The following SUPT3H variants were observed in gnomAD, a reference collection of about 807,000 sequenced individuals.
SUPT3H encodes transcription initiation protein SPT3 homolog.
In SUPT3H, 44 loss-of-function variants were observed where a neutral mutation model predicts 44.3. That is an observed-to-expected ratio of 0.99 (90% confidence interval 0.78 to 1.28). The LOEUF (loss-of-function observed/expected upper bound fraction) is 1.28. Ranked by LOEUF, SUPT3H falls within the 50% of genes most tolerant of loss-of-function variation. The pLI is 0.00. For missense variants in SUPT3H, 380 were observed against 387.1 expected (o/e 0.98, Z 0.15); for synonymous variants, 124 against 125.6 (o/e 0.99, Z 0.09).
chr6:45,064,467 T>C (rs1792855653), intron 3 of SUPT3H, among the ~76,000 whole-genome samples: 1 of 132,118 alleles, frequency 7.6e-6, no homozygotes, highest in Non-Finnish European at 1.6e-5. Context: ...CAATATTAAC[T>C]TTAAATGTAA....
intron 2 of SUPT3H, among the ~76,000 whole-genome samples, chr6:45,254,074 C>CT (rs1772916483): frequency 6.6e-6 from 1 of 151,764 alleles, no homozygotes. Flanking sequence ...TATTTTATAT[C>CT]TTTAAATGAG....
At chr6:44,988,519 T>TAAAAAAAA (rs66489332) in intron 6 of SUPT3H, among the ~76,000 whole-genome samples, 1 of 100,204 alleles carries the variant, frequency 1.0e-5, no homozygotes, top group Non-Finnish European at 2.0e-5. Flanking sequence ...AAGGCTTAAA[T>TAAAAAAAA]AAAAAAAAAA....
chr6:45,303,967 ACT>A (rs1782585501), intron 2 of SUPT3H, among the ~76,000 whole-genome samples: 1 of 150,204 alleles, frequency 6.7e-6, no homozygotes, highest in Non-Finnish European at 1.5e-5. Flanking sequence ...ACAGAGCAAG[ACT>A]CTGTCTCAAA....
intron 2 of SUPT3H, among the ~76,000 whole-genome samples, chr6:45,277,618 C>T (rs1207572536): frequency 2.0e-5 from 3 of 152,218 alleles, no homozygotes; most frequent in Middle Eastern, 3.4e-3. Flanking sequence ...TAAAGCATTA[C>T]CCTATAGGGA....
rs534273431 is a variant in SUPT3H, at chr6:45,105,913, T to G, written c.186+9A>C. 1 of 1,605,968 alleles carries G rather than the reference T, an allele frequency of 6.2e-7. No homozygotes were observed. Among genetic ancestry groups the G allele is most frequent in the Non-Finnish European group, 8.5e-7 (1 of 1,174,076 alleles). On this transcript the variant is annotated intron_variant, in intron 3 of 10. Coordinates refer to ENST00000371459, the MANE Select transcript of SUPT3H (RefSeq NM_003599.4). The stretch of plus-strand genomic sequence containing the variant: ...AAGAGAAACCAAATCAAATTATATA[T>G]GCTCTTACCAGATTAATTAACTGAG...
At chr6:45,354,985 T>A (rs933220795) in intron 2 of SUPT3H, among the ~76,000 whole-genome samples, 1 of 152,092 alleles carries the variant, frequency 6.6e-6, no homozygotes, top group Non-Finnish European at 1.5e-5. Context: ...ACTTTGAGGT[T>A]TTTTTTGGAG....
intron 2 of SUPT3H, among the ~76,000 whole-genome samples, chr6:45,298,212 G>C (rs985462518): frequency 6.6e-6 from 1 of 152,166 alleles, no homozygotes; most frequent in South Asian, 2.1e-4. Flanking sequence ...ACCAAAGAAC[G>C]AATAGGAACA....
chr6:45,184,082 C>T (rs1258777147), intron 2 of SUPT3H, among the ~76,000 whole-genome samples: 1 of 152,062 alleles, frequency 6.6e-6, no homozygotes, highest in Non-Finnish European at 1.5e-5. Context: ...ACACATCACA[C>T]TAATGCAAGA....
chr6:45,059,727 A>C (rs1445150453), intron 3 of SUPT3H, among the ~76,000 whole-genome samples: 1 of 152,158 alleles, frequency 6.6e-6, no homozygotes, highest in East Asian at 1.9e-4. Flanking sequence ...CTGATAAGCA[A>C]CTTCAGCAAA....
chr6:45,229,471 A>G (rs1274335183), intron 2 of SUPT3H, among the ~76,000 whole-genome samples: 3 of 152,172 alleles, frequency 2.0e-5, no homozygotes, highest in East Asian at 1.9e-4. Context: ...AAAAATAACA[A>G]TATCTGGCAT....
intron 2 of SUPT3H, among the ~76,000 whole-genome samples, chr6:45,280,894 T>C (rs1292582052): frequency 6.6e-6 from 1 of 152,174 alleles, no homozygotes; most frequent in East Asian, 1.9e-4. Flanking sequence ...CTTCCTAAAA[T>C]GGTTGAGTAA....
intron 10 of SUPT3H, among the ~76,000 whole-genome samples, chr6:44,916,696 C>T (rs1195400120): frequency 1.3e-5 from 2 of 152,088 alleles, no homozygotes; most frequent in African/African-American, 4.8e-5. Flanking sequence ...CTGAAGGGTA[C>T]TATTGGCAAA....
chr6:45,083,049 G>C (rs1417947748), intron 3 of SUPT3H, among the ~76,000 whole-genome samples: 1 of 151,494 alleles, frequency 6.6e-6, no homozygotes, highest in East Asian at 1.9e-4. Flanking sequence ...CAAATATCTA[G>C]GAATACATCT....
intron 2 of SUPT3H, among the ~76,000 whole-genome samples, chr6:45,153,479 A>T (rs545528827): frequency 1.3e-5 from 2 of 152,360 alleles, no homozygotes; most frequent in Non-Finnish European, 2.9e-5. Context: ...TAAGGCAACA[A>T]GGAAAAGAAA....
rs1276891316 is a variant in SUPT3H at position 45,286,666 on chromosome 6, T to C, written c.101+78535A>G. Among the ~76,000 whole-genome samples the C allele has an allele frequency of 2.6e-5, 4 of 152,262 alleles. No individual in the cohort carries two copies. In the South Asian group the frequency reaches 6.2e-4, roughly 24 times the overall value. ...GTGGGACTGTAAACTAGTTCAACCA[T>C]TGTGGAAGTCAGTGTGGCGATTCCT... On this transcript the variant is annotated intron_variant, in intron 2 of 10. Coordinates refer to ENST00000371459, the MANE Select transcript of SUPT3H (RefSeq NM_003599.4).
intron 3 of SUPT3H, among the ~76,000 whole-genome samples, chr6:45,074,981 G>T (rs1794828094): frequency 6.6e-6 from 1 of 151,988 alleles, no homozygotes; most frequent in Non-Finnish European, 1.5e-5. Flanking sequence ...TGTTAAAAAT[G>T]AATGTCTTAA....
chr6:45,062,667 A>G lies in SUPT3H; in HGVS notation c.187-42035T>C, dbSNP rs371119564. ...CACCTGGGAAGCGCGAGGGGTCAGGAAGTTCCCTTTCCGAGTCAAAGAAAG... is the reference window on the plus strand; with the variant it reads ...CACCTGGGAAGCGCGAGGGGTCAGGGAGTTCCCTTTCCGAGTCAAAGAAAG... On this transcript the variant is annotated intron_variant, in intron 3 of 10. Transcript: ENST00000371459. Among the ~76,000 whole-genome samples, 7 of 152,326 alleles carry G rather than the reference A, an allele frequency of 4.6e-5. No individual in the cohort carries two copies. In the East Asian group the frequency reaches 5.8e-4, roughly 13 times the overall value.
chr6:45,176,993 A>G (rs1812059481), intron 2 of SUPT3H, among the ~76,000 whole-genome samples: 1 of 152,154 alleles, frequency 6.6e-6, no homozygotes, highest in Non-Finnish European at 1.5e-5. Context: ...AAAACTGGAA[A>G]CTCTAAAAAA....
chr6:45,050,696 G>A (rs910204728), intron 3 of SUPT3H, among the ~76,000 whole-genome samples: 4 of 152,102 alleles, frequency 2.6e-5, no homozygotes, highest in Non-Finnish European at 5.9e-5. Flanking sequence ...CAAGGTCAAT[G>A]AGTAGGCATG....
Sources: gnomAD v4.1 joint callset for allele counts (sites outside exome capture counted in the v4.1 genomes callset) on GRCh38, gnomAD v4.1.1 for gene constraint, MANE v1.5 for transcripts, NCBI Gene and HGNC (gene_info 2026-07-23, HGNC 2026-07-21) for gene names.